TCEANC2: variants seen among roughly 807,000 people sequenced by gnomAD.
The protein encoded by TCEANC2 is transcription elongation factor A N-terminal and central domain containing 2.
Under a neutral mutation model 22.8 loss-of-function variants are expected in TCEANC2, and 20 were observed. That is an observed-to-expected ratio of 0.88 (90% CI 0.62 to 1.28). The LOEUF (loss-of-function observed/expected upper bound fraction) is 1.28. TCEANC2 is among the 50% of genes most tolerant of loss of function. The pLI, the probability that TCEANC2 is intolerant of heterozygous loss-of-function variation, is 0.00. For synonymous variants in TCEANC2, 84 were observed against 95.5 expected, an observed-to-expected ratio of 0.88 and a Z score of 0.70; for missense variants, 251 against 249.7, an observed-to-expected ratio of 1.01 and a Z score of -0.03.
At chr1:54,083,861 CA>C (rs1251540203) in intron 3 of TCEANC2, among the ~76,000 whole-genome samples, 1 of 151,956 alleles carries the variant, frequency 6.6e-6, no homozygotes, top group East Asian at 1.9e-4. Context: ...TGCATATAAA[CA>C]AAAATGTTGT....
intron 2 of TCEANC2, among the ~76,000 whole-genome samples, chr1:54,059,608 C>T (rs755478224): frequency 3.3e-5 from 5 of 152,168 alleles, no homozygotes; most frequent in Non-Finnish European, 7.3e-5. Context: ...GTACTCTCAA[C>T]GTTTGGTTCA....
intron 2 of TCEANC2, 84 bp downstream of exon 2, chr1:54,054,608 T>C (rs1373302993): frequency 6.5e-6 from 9 of 1,374,802 alleles, no homozygotes; most frequent in East Asian, 2.4e-5. Context: ...GAAAGACCTA[T>C]GAATTATTTC....
chr1:54,095,900 A>G (rs1013356501), intron 4 of TCEANC2, among the ~76,000 whole-genome samples: 2 of 152,232 alleles, frequency 1.3e-5, no homozygotes, highest in Non-Finnish European at 2.9e-5. Flanking sequence ...CCATGTCTCT[A>G]AAATGCCGTA....
chr1:54,064,673 TG>T (rs1316625762), intron 2 of TCEANC2, among the ~76,000 whole-genome samples: 2 of 151,356 alleles, frequency 1.3e-5, no homozygotes, highest in African/African-American at 4.9e-5. Flanking sequence ...CGACCGGTTT[TG>T]TTGGTTGTGC....
At chr1:54,070,152 T>G (rs1456810998) in intron 3 of TCEANC2, among the ~76,000 whole-genome samples, 2 of 152,060 alleles carry the variant, frequency 1.3e-5, no homozygotes, top group East Asian at 3.9e-4. Context: ...TCTGAGAAAA[T>G]CAGATGCTTT....
chr1:54,074,968 G>T (rs1658121758), intron 3 of TCEANC2, among the ~76,000 whole-genome samples: 1 of 152,214 alleles, frequency 6.6e-6, no homozygotes, highest in Non-Finnish European at 1.5e-5. Flanking sequence ...TAATGGCAAA[G>T]ATTCTGTAGA....
At position 54,105,317 on chromosome 1, in the gene TCEANC2, T is replaced by C. The variant is rs969100823; in HGVS notation, c.*8844T>C. 6.6e-6 allele frequency: 1 copy of C among 152,170 alleles called. No individual in the cohort carries two copies. The highest frequency in any genetic ancestry group is 2.4e-5 in the African/African-American group (1 of 41,404). The allele number at this position is 152,170 out of a possible 1,614,324, so 9.4% of individuals were successfully genotyped here. A position where few individuals can be genotyped will look rare whatever the true frequency, so the allele number is the denominator to read the frequency against. On this transcript the variant is annotated 3_prime_UTR_variant, in exon 5 of 5. Transcript: ENST00000234827. ...TTCCTCAATGGAAGAGTTACCTCAC[T>C]GACATACCCCTTTCCCAGGCAGGTC...
intron 3 of TCEANC2, among the ~76,000 whole-genome samples, chr1:54,070,546 A>G (rs1658037277): frequency 6.6e-6 from 1 of 152,208 alleles, no homozygotes; most frequent in South Asian, 2.1e-4. Flanking sequence ...TAATGAAACC[A>G]CAACAGGGCT....
intron 3 of TCEANC2, among the ~76,000 whole-genome samples, chr1:54,088,138 T>C (rs1335206024): frequency 6.6e-6 from 1 of 152,190 alleles, no homozygotes; most frequent in Non-Finnish European, 1.5e-5. Context: ...CTGATGATTG[T>C]CTCTGAATGA....
At position 54,100,886 on chromosome 1, in the gene TCEANC2, A is replaced by C. The variant is rs951388895; in HGVS notation, c.*4413A>C. ...AAAACAAAAACAGATATTTTAAGAA[A>C]ATTTTAAACATTCAAAAGAAACCCA... is the stretch of plus-strand genomic sequence containing the variant. On this transcript the variant is annotated 3_prime_UTR_variant, in exon 5 of 5. Transcript: ENST00000234827. 2 of 152,228 alleles carry C rather than the reference A, an allele frequency of 1.3e-5. No individual in the cohort carries two copies. Among genetic ancestry groups the C allele is most frequent in the African/African-American group, 4.8e-5 (2 of 41,460 alleles). 9.4% of individuals were successfully genotyped at this position (152,228 alleles called of 1,614,324 possible).
chr1:54,110,170 C>G (rs1658818772), downstream of TCEANC2, among the ~76,000 whole-genome samples: 1 of 152,200 alleles, frequency 6.6e-6, no homozygotes. Flanking sequence ...TTAATCTTCT[C>G]TCCATCACCT....
Position 54,097,057 on chromosome 1 carries a change from C to A in TCEANC2, c.*584C>A. Reference sequence around the variant, plus strand: ...AGACCTTCTGCGTTGGTCTCCAGAGCCCCCATGCTGAGGCTACTAATGAGG... The same window carrying A: ...AGACCTTCTGCGTTGGTCTCCAGAGACCCCATGCTGAGGCTACTAATGAGG... On this transcript the variant is annotated 3_prime_UTR_variant, in exon 5 of 5. Coordinates refer to ENST00000234827, the MANE Select transcript of TCEANC2 (RefSeq NM_153035.3). The A allele has an allele frequency of 1.1e-6, 1 of 911,728 alleles. No homozygotes were observed. Among genetic ancestry groups the A allele is most frequent in the Non-Finnish European group, 1.3e-6 (1 of 762,376 alleles). 56.5% of individuals were successfully genotyped at this position (911,728 alleles called of 1,614,324 possible). A position where few individuals can be genotyped will look rare whatever the true frequency, so the allele number is the denominator to read the frequency against.
chr1:54,056,848 CCTGGGCAG>C (rs1657761087), intron 2 of TCEANC2, among the ~76,000 whole-genome samples: 1 of 151,946 alleles, frequency 6.6e-6, no homozygotes, highest in Admixed American at 6.6e-5. Flanking sequence ...CCGAGATCAG[CCTGGGCAG>C]CTTGGCAAAA....
intron 4 of TCEANC2, among the ~76,000 whole-genome samples, chr1:54,092,603 T>G (rs7530819): frequency 0.097 from 14,840 of 152,274 alleles, 1,713 homozygotes; most frequent in African/African-American, 0.28. Context: ...TAGCTAGGCA[T>G]GCACAGTTTA....
rs142157986 is a variant in TCEANC2 at position 54,088,647 on chromosome 1, C to A, written c.295C>A (p.Leu99Ile). 4.5e-5 allele frequency: 72 copies of A among 1,606,274 alleles called. No homozygotes were observed. Among genetic ancestry groups the A allele is most frequent in the Non-Finnish European group, 5.9e-5 (69 of 1,177,838 alleles). The change falls in exon 4 of 5, where the codon CTT becomes ATT. Residue 99 changes from leucine to isoleucine, a missense_variant. Leu to Ile is a conservative substitution (Grantham distance 5). Transcript: ENST00000234827. Reference protein sequence around the residue: ...RKHSDSEVASLAREVYTEWKT... With the variant: ...RKHSDSEVASIAREVYTEWKT... ...ACACTCAGATTCAGAAGTGGCTTCT[C>A]TTGCCAGAGAAGTTTACACTGAGTG...
At chr1:54,081,377 T>G (rs1658240653) in intron 3 of TCEANC2, among the ~76,000 whole-genome samples, 1 of 152,134 alleles carries the variant, frequency 6.6e-6, no homozygotes, top group Non-Finnish European at 1.5e-5. Context: ...TGTAGGCATG[T>G]GCCACCATAC....
At chr1:54,108,993 C>T (rs1299456613), downstream of TCEANC2, among the ~76,000 whole-genome samples, 1 of 152,058 alleles carries the variant, frequency 6.6e-6, no homozygotes, top group East Asian at 1.9e-4. Context: ...AAAATGCTTC[C>T]TGAATACCTG....
intron 4 of TCEANC2, among the ~76,000 whole-genome samples, chr1:54,091,239 A>C (rs1353287734): frequency 6.6e-6 from 1 of 152,184 alleles, no homozygotes; most frequent in African/African-American, 2.4e-5. Context: ...ATATAAATAC[A>C]AGCACTTTTA....
At chr1:54,093,263 A>T (rs1658481686) in intron 4 of TCEANC2, among the ~76,000 whole-genome samples, 1 of 152,080 alleles carries the variant, frequency 6.6e-6, no homozygotes, top group Non-Finnish European at 1.5e-5. Flanking sequence ...ACTCGGTGAA[A>T]CTCTGGTCCT....
Sources: gnomAD v4.1 joint callset for allele counts (sites outside exome capture counted in the v4.1 genomes callset) on GRCh38, gnomAD v4.1.1 for gene constraint, MANE v1.5 for transcripts, NCBI Gene and HGNC (gene_info 2026-07-23, HGNC 2026-07-21) for gene names.